TARS1: variants seen among roughly 807,000 people sequenced by gnomAD.
TARS1 encodes the protein threonyl-tRNA synthetase 1.
Under a neutral mutation model 97.7 loss-of-function variants are expected in TARS1, and 57 were observed. The ratio of observed to expected loss-of-function variants is 0.58; its 90% confidence interval spans 0.47 to 0.73. The LOEUF (loss-of-function observed/expected upper bound fraction) is 0.73. TARS1 is among the 30% of genes least tolerant of loss of function. The probability of loss-of-function intolerance (pLI) is 0.00; values close to 1 mark genes in which losing one functional copy is unlikely to be tolerated. For missense variants in TARS1, 806 were observed against 888.3 expected, an observed-to-expected ratio of 0.91 and a Z score of 1.18; for synonymous variants, 312 against 293.7, an observed-to-expected ratio of 1.06 and a Z score of -0.64.
rs758562694 is a variant in TARS1, at chr5:33,467,655, C to T, written c.2119C>T (p.Arg707Trp). 36 of 1,613,594 alleles carry T rather than the reference C, an allele frequency of 2.2e-5. No homozygotes were observed. The highest frequency in any genetic ancestry group is 1.9e-4 in the African/African-American group (14 of 74,862). Residue 707 changes from arginine to tryptophan, a missense_variant, in exon 19 of 19, where the codon CGG becomes TGG. Around this residue, in one of 3 missense-constraint regions of TARS1, gnomAD observed 446 missense variants for 511.0 expected, o/e 0.87. Coordinates refer to ENST00000265112, the MANE Select transcript of TARS1 (RefSeq NM_152295.5). Reference protein sequence around the residue: ...GERTISETIERLQQLKEFRSK... With the variant: ...GERTISETIEWLQQLKEFRSK... The stretch of plus-strand genomic sequence containing the variant: ...ACGCACCATTTCTGAAACTATCGAG[C>T]GGCTACAGCAGCTCAAAGAGTTCCG...
chr5:33,452,461 C>T (rs1008221214), intron 3 of TARS1: 6 of 1,522,522 alleles, frequency 3.9e-6, no homozygotes, highest in Non-Finnish European at 5.3e-6. Context: ...ATCCTCAAAG[C>T]CTTTCCAGAT....
chr5:33,457,137 G>A, intron 8 of TARS1, 120 bp from the exon 9 acceptor site: 1 of 1,211,460 alleles, frequency 8.3e-7, no homozygotes, highest in Non-Finnish European at 1.1e-6. Context: ...ATAGAAAACA[G>A]CCAACTTTGT....
chr5:33,450,410 C>G (rs1487152155), intron 3 of TARS1, among the ~76,000 whole-genome samples: 1 of 152,148 alleles, frequency 6.6e-6, no homozygotes, highest in Non-Finnish European at 1.5e-5. Context: ...CCAGTTAGGC[C>G]TATGAGCCAT....
chr5:33,463,567 C>G (rs1028656608), intron 16 of TARS1, among the ~76,000 whole-genome samples, 186 bp from the exon 17 acceptor site: 1 of 152,176 alleles, frequency 6.6e-6, no homozygotes, highest in African/African-American at 2.4e-5. Context: ...TTTTCTTCTC[C>G]TGCATCTCCT....
At chr5:33,462,309 G>A (rs1403146600) in intron 16 of TARS1, 106 bp downstream of exon 16, 11 of 1,057,938 alleles carry the variant, frequency 1.0e-5, no homozygotes, top group South Asian at 3.0e-5. Context: ...GATTCCAATC[G>A]GTTGCTTCTA....
At chr5:33,463,025 A>G (rs947057713) in intron 16 of TARS1, among the ~76,000 whole-genome samples, 2 of 152,250 alleles carry the variant, frequency 1.3e-5, no homozygotes, top group African/African-American at 4.8e-5. Flanking sequence ...AGGTATTTCA[A>G]GAATTAAGGG....
rs545342565 is a variant in TARS1 at position 33,462,851 on chromosome 5, T to C, written c.1835+648T>C. ...ATTAATCATATTGATTTAAAACTTT[T>C]GTAAAATGACGTACATTGGTTTAAT... On this transcript the variant is annotated intron_variant, in intron 16 of 18. Coordinates refer to ENST00000265112, the MANE Select transcript of TARS1 (RefSeq NM_152295.5). 7.9e-5 allele frequency among the ~76,000 whole-genome samples: 12 copies of C among 152,352 alleles called. No individual in the cohort carries two copies. In the East Asian group the frequency reaches 2.3e-3, roughly 29 times the overall value.
chr5:33,461,930 A>G lies in TARS1; in HGVS notation c.1654A>G (p.Ile552Val), dbSNP rs529933981. 172 of 1,614,012 alleles carry G rather than the reference A, an allele frequency of 1.1e-4. 2 individuals carry two copies. The South Asian group carries it at 1.7e-3, about 16-fold the overall frequency. Residue 552 changes from isoleucine to valine, a missense_variant, in exon 15 of 19, where the codon ATT (isoleucine) becomes GTT (valine). This residue lies in a region of TARS1 where 446 missense variants were observed against 511.0 expected (regional missense o/e 0.87). Transcript: ENST00000265112. ...PKIDIQIKDA[I>V]GRYHQCATIQ... ...GATTGACATACAGATTAAAGATGCG[A>G]TTGGGCGGTACCACCAGTGTGCAAC...
chr5:33,460,853 G>A (rs1182176664), intron 11 of TARS1, 49 bp from the exon 12 acceptor site: 1 of 1,604,024 alleles, frequency 6.2e-7, no homozygotes, highest in East Asian at 2.2e-5. Context: ...TAGCATTACA[G>A]AAGCAGTTTT....
Position 33,463,746 on chromosome 5 carries a change from T to C in TARS1, c.1836-7T>C, listed in dbSNP as rs1579593287. ...TCTACACTGAATATTTTTATTCTCT[T>C]CCAAAGGCCCTTTTGGCTGTCCCCT... On this transcript the variant is annotated splice_region_variant and splice_polypyrimidine_tract_variant and intron_variant, in intron 16 of 18. Transcript: ENST00000265112. 6.2e-7 allele frequency: 1 copy of C among 1,609,172 alleles called. No homozygotes were observed. The highest frequency in any genetic ancestry group is 8.5e-7 in the Non-Finnish European group (1 of 1,177,120).
chr5:33,462,022 C>T lies in TARS1; in HGVS notation c.1730+16C>T, dbSNP rs1264795169. On this transcript the variant is annotated intron_variant, in intron 15 of 18. Coordinates refer to ENST00000265112, the MANE Select transcript of TARS1 (RefSeq NM_152295.5). ...CTTATGTAAGGTGAGTTTCTGGTGT[C>T]TGCTCTGAATATTCTCCAGGGATAT... The T allele has an allele frequency of 6.2e-7, 1 of 1,611,632 alleles. No individual in the cohort carries two copies. Among genetic ancestry groups the T allele is most frequent in the Non-Finnish European group, 8.5e-7 (1 of 1,178,048 alleles).
rs35931457 is a variant in TARS1, at chr5:33,453,263, CTTT to C, written c.330-6_330-4del. ...TCGTGTGTACTTATATATGTGTGGA[CTTT>C]TTTTTTTTTTTTTTTTTTTAAGTCA... On this transcript the variant is annotated intron_variant, in intron 3 of 18. Coordinates refer to ENST00000265112, the MANE Select transcript of TARS1 (RefSeq NM_152295.5). The C allele has an allele frequency of 0.016, 20,645 of 1,304,732 alleles. No homozygotes were observed. Among genetic ancestry groups the C allele is most frequent in the South Asian group, 0.035 (1,949 of 55,656 alleles). 80.8% of individuals were successfully genotyped at this position (1,304,732 alleles called of 1,614,324 possible).
At chr5:33,458,085 G>GTTGGCAA (rs1742115715) in intron 9 of TARS1, among the ~76,000 whole-genome samples, 1 of 152,160 alleles carries the variant, frequency 6.6e-6, no homozygotes, top group Non-Finnish European at 1.5e-5. Context: ...GGAGGTAGGA[G>GTTGGCAA]GGTGTGTTTC....
rs1158669484 is a variant in TARS1 at position 33,456,225 on chromosome 5, A to C, written c.835A>C (p.Lys279Gln). Residue 279 changes from lysine (K) to glutamine (Q), a missense_variant and splice_region_variant, in exon 8 of 19, where the codon AAA becomes CAA. Physicochemically the swap from Lys to Gln is moderately conservative, Grantham distance 53 (BLOSUM62 1). Transcript: ENST00000265112. ...CAAAATTAAGGCTTTAAAAATACACAAAGTAAGTAATGTAACTTTAAAGAC... is the reference window on the plus strand; with the variant it reads ...CAAAATTAAGGCTTTAAAAATACACCAAGTAAGTAATGTAACTTTAAAGAC... The part of the protein sequence containing the change: ...TGKIKALKIH[K>Q]NSSTYWEGKA... The C allele has an allele frequency of 4.4e-6, 7 of 1,609,184 alleles. No individual in the cohort carries two copies. Among genetic ancestry groups the C allele is most frequent in the African/African-American group, 1.3e-5 (1 of 74,858 alleles).
chr5:33,458,554 T>G lies in TARS1; in HGVS notation c.985-12T>G. 1 of 1,607,074 alleles carries G rather than the reference T, an allele frequency of 6.2e-7. No homozygotes were observed. The highest frequency in any genetic ancestry group is 8.5e-7 in the Non-Finnish European group (1 of 1,177,686). On this transcript the variant is annotated splice_polypyrimidine_tract_variant and intron_variant, in intron 9 of 18. Transcript: ENST00000265112. Reference sequence around the variant, plus strand: ...ACGTACATAAACATTCTTTTGCTTTTCTTTTACCCAGGACCAAGAACTATA... The same window carrying G: ...ACGTACATAAACATTCTTTTGCTTTGCTTTTACCCAGGACCAAGAACTATA...
intron 6 of TARS1, 84 bp from the exon 7 acceptor site, chr5:33,455,918 A>C: frequency 8.3e-7 from 1 of 1,198,670 alleles, no homozygotes; most frequent in Non-Finnish European, 1.2e-6. Context: ...ATTTATATTC[A>C]TACAGTGCTA....
Position 33,457,296 on chromosome 5 carries a change from ACT to A in TARS1, c.881_882del (p.Leu294ProfsTer12). 3 of 1,614,076 alleles carry A rather than the reference ACT, an allele frequency of 1.9e-6. No individual in the cohort carries two copies. The highest frequency in any genetic ancestry group is 1.7e-6 in the Non-Finnish European group (2 of 1,180,000). On this transcript the variant is annotated frameshift_variant, in exon 9 of 19. Coordinates refer to ENST00000265112, the MANE Select transcript of TARS1 (RefSeq NM_152295.5). LOFTEE classifies it high-confidence loss of function. ...CTGGGAAGGCAAAGCAGATATGGAG[ACT>A]CTCCAGAGAATTTATGGCATTTCAT... is the stretch of plus-strand genomic sequence containing the variant. ...TYWEGKADME[T>X]LQRIYGISFP...
intron 2 of TARS1, chr5:33,446,729 T>C (rs1741438210): frequency 7.8e-7 from 1 of 1,289,232 alleles, no homozygotes; most frequent in Non-Finnish European, 1.0e-6. Flanking sequence ...GTGGCTATGA[T>C]GATAAACTGC....
intron 17 of TARS1, among the ~76,000 whole-genome samples, chr5:33,464,077 G>A (rs1251888702): frequency 6.6e-6 from 1 of 152,092 alleles, no homozygotes; most frequent in African/African-American, 2.4e-5. Flanking sequence ...TTTAAGAGAT[G>A]GGATCTTTCT....
Sources: allele counts gnomAD v4.1 joint callset (sites outside exome capture counted in the v4.1 genomes callset), GRCh38; gene constraint gnomAD v4.1.1; regional missense constraint gnomAD v4.1.1; transcripts MANE v1.5; gene names NCBI Gene and HGNC (gene_info 2026-07-23, HGNC 2026-07-21).